The following ZNF665 variants were observed in gnomAD, a reference collection of about 807,000 sequenced individuals.
ZNF665 encodes the protein zinc finger protein 665.
ZNF665 carries 6 observed loss-of-function variants against 7.9 expected under a neutral mutation model. The observed-to-expected ratio is 0.76, with a 90% confidence interval of 0.42 to 1.50. The LOEUF is 1.50. ZNF665 is among the 40% of genes most tolerant of loss of function. The pLI is 0.01. For missense variants in ZNF665, 819 were observed against 806.7 expected (o/e 1.02, Z -0.18); for synonymous variants, 242 against 274.5 (o/e 0.88, Z 1.17).
Position 53,164,859 on chromosome 19 carries a change from C to T in ZNF665, c.1631G>A (p.Cys544Tyr). 6.2e-7 allele frequency: 1 copy of T among 1,614,154 alleles called. No homozygotes were observed. Among genetic ancestry groups the T allele is most frequent in the Non-Finnish European group, 8.5e-7 (1 of 1,180,016 alleles). Residue 544 changes from cysteine (C) to tyrosine (Y), a missense_variant, in exon 4 of 4, where the codon TGT becomes TAT. Cys to Tyr is a radical substitution (Grantham distance 194, BLOSUM62 -2). Transcript: ENST00000396424. ...TIHTGQKPYK[C>Y]NDCGKVFRHN... ...TCTGAAGACCTTGCCGCAATCATTA[C>T]ATTTGTATGGTTTTTGTCCAGTATG...
At chr19:53,180,461 T>C (rs1308993508) in intron 2 of ZNF665, among the ~76,000 whole-genome samples, 2 of 151,812 alleles carry the variant, frequency 1.3e-5, no homozygotes, top group Non-Finnish European at 2.9e-5. Context: ...GGAGAACAAA[T>C]TTAAGGCCAC....
intron 2 of ZNF665, chr19:53,181,423 A>G (rs2090737103): frequency 6.9e-6 from 1 of 144,750 alleles, no homozygotes; most frequent in African/African-American, 2.5e-5. Flanking sequence ...CTTGTATCAG[A>G]AAAAAAAAAA....
rs1281332306 is a variant in ZNF665 at position 53,162,516 on chromosome 19, A to T, written c.*1937T>A. 1 of 152,166 alleles carries T rather than the reference A, an allele frequency of 6.6e-6. No individual in the cohort carries two copies. Among genetic ancestry groups the T allele is most frequent in the African/African-American group, 2.4e-5 (1 of 41,446 alleles). The allele number at this position is 152,166 out of a possible 1,614,324, so 9.4% of individuals were successfully genotyped here. A position where few individuals can be genotyped will look rare whatever the true frequency, so the allele number is the denominator to read the frequency against. ...AATGTGATTCCAGCAGTTAATGTAAATCCTAGTAACAAACATGGGATTCTG... is the reference window on the plus strand; with the variant it reads ...AATGTGATTCCAGCAGTTAATGTAATTCCTAGTAACAAACATGGGATTCTG... On this transcript the variant is annotated 3_prime_UTR_variant, in exon 4 of 4. Coordinates refer to ENST00000396424, the MANE Select transcript of ZNF665 (RefSeq NM_024733.5).
intron 3 of ZNF665, among the ~76,000 whole-genome samples, chr19:53,171,524 ATT>A (rs1215685651): frequency 3.5e-4 from 24 of 69,316 alleles, no homozygotes; most frequent in Admixed American, 8.9e-4. Flanking sequence ...ATATATATAT[ATT>A]TTTTTTTTTT....
In ZNF665 at chr19:53,174,012, G is replaced by A. The variant is rs546771133; in HGVS notation, c.142+1433C>T. Reference sequence around the variant, plus strand: ...GCTGAGACCTCAACAGGCAAGGAAAGCTTAAGACAGTTCCGTGAAGTTTCC... The same window carrying A: ...GCTGAGACCTCAACAGGCAAGGAAAACTTAAGACAGTTCCGTGAAGTTTCC... On this transcript the variant is annotated intron_variant, in intron 3 of 3. Transcript: ENST00000396424. Among the ~76,000 whole-genome samples the A allele has an allele frequency of 5.3e-5, 8 of 152,306 alleles. No homozygotes were observed. The East Asian group carries it at 1.2e-3, about 22-fold the overall frequency.
At position 53,190,025 on chromosome 19, in the gene ZNF665, T is replaced by TA. The variant is rs545015223; in HGVS notation, c.-46+3286dup. Among the ~76,000 whole-genome samples, 1,043 of 152,352 alleles carry TA rather than the reference T, an allele frequency of 6.8e-3. 6 individuals are homozygous for TA. The highest frequency in any genetic ancestry group is 0.014 in the Admixed American group (208 of 15,308). ...GGCCTGGTTTTTCCTAGGCTATGATTATAGAGCGAGGATTATTATAATATT... is the reference window on the plus strand; with the variant it reads ...GGCCTGGTTTTTCCTAGGCTATGATTAATAGAGCGAGGATTATTATAATATT... On this transcript the variant is annotated intron_variant, in intron 1 of 3. Coordinates refer to ENST00000396424, the MANE Select transcript of ZNF665 (RefSeq NM_024733.5).
At chr19:53,179,140 G>C (rs1249086221) in intron 2 of ZNF665, among the ~76,000 whole-genome samples, 1 of 151,988 alleles carries the variant, frequency 6.6e-6, no homozygotes, top group Non-Finnish European at 1.5e-5. Context: ...TTGGGAGGCC[G>C]AGGCGGGTGG....
At chr19:53,193,183 A>G (rs1289484583) in intron 1 of ZNF665, 129 bp downstream of exon 1, 1 of 152,134 alleles carries the variant, frequency 6.6e-6, no homozygotes, top group East Asian at 1.9e-4. Flanking sequence ...CTCGCGGCAA[A>G]GTCTGAATTT....
intron 2 of ZNF665, among the ~76,000 whole-genome samples, chr19:53,176,216 G>T (rs1158155625): frequency 6.6e-6 from 1 of 151,998 alleles, no homozygotes. Context: ...GGGACTTCCA[G>T]GCTCAATCTC....
In ZNF665 at chr19:53,184,660, T is replaced by A. The variant is rs115548459; in HGVS notation, c.-45-1717A>T. 6.6e-3 allele frequency among the ~76,000 whole-genome samples: 998 copies of A among 152,190 alleles called. 10 individuals are homozygous for A. Among genetic ancestry groups the A allele is most frequent in the African/African-American group, 0.023 (951 of 41,518 alleles). ...GGCCCCACAGGATTGGTGGGTTTTC[T>A]CCTCGTGTGTGGAGACGAGAGAGCT... is the stretch of plus-strand genomic sequence containing the variant. On this transcript the variant is annotated intron_variant, in intron 1 of 3. Transcript: ENST00000396424.
chr19:53,171,916 A>G (rs1207969981), intron 3 of ZNF665, among the ~76,000 whole-genome samples: 6 of 151,774 alleles, frequency 4.0e-5, no homozygotes, highest in African/African-American at 1.5e-4. Context: ...CACCACACCC[A>G]GCTACTTTTT....
chr19:53,171,077 C>T (rs549789548), intron 3 of ZNF665, among the ~76,000 whole-genome samples: 2 of 152,176 alleles, frequency 1.3e-5, no homozygotes, highest in African/African-American at 2.4e-5. Context: ...CTCCACCTCC[C>T]GGGTTGAAGC....
intron 1 of ZNF665, among the ~76,000 whole-genome samples, chr19:53,184,876 C>T (rs1339667666): frequency 2.6e-5 from 4 of 151,606 alleles, no homozygotes; most frequent in African/African-American, 7.2e-5. Context: ...ACGTGGGTCA[C>T]GTGTCCACTG....
chr19:53,182,772 C>T (rs975942771), intron 2 of ZNF665, 112 bp downstream of exon 2: 85 of 1,545,614 alleles, frequency 5.5e-5, no homozygotes, highest in Non-Finnish European at 7.0e-5. Flanking sequence ...CGAGTGAGTG[C>T]GAGCAAACCT....
At position 53,164,935 on chromosome 19, in the gene ZNF665, A is replaced by T; in HGVS notation, c.1555T>A (p.Cys519Ser). 1 of 1,614,176 alleles carries T rather than the reference A, an allele frequency of 6.2e-7. No homozygotes were observed. The highest frequency in any genetic ancestry group is 1.1e-5 in the South Asian group (1 of 91,080). Reference protein sequence around the residue: ...TGEKPYKCNECGKAFSVHSSL... With the variant: ...TGEKPYKCNESGKAFSVHSSL... The stretch of plus-strand genomic sequence containing the variant: ...GAATGAACACTAAAGGCTTTGCCAC[A>T]CTCATTACACTTGTAAGGTTTTTCT... Residue 519 changes from cysteine to serine, a missense_variant, in exon 4 of 4, where the codon TGT becomes AGT. Coordinates refer to ENST00000396424, the MANE Select transcript of ZNF665 (RefSeq NM_024733.5).
At chr19:53,171,504 G>GTGTGTATATA (rs140482885) in intron 3 of ZNF665, among the ~76,000 whole-genome samples, 78 of 57,754 alleles carry the variant, frequency 1.4e-3, no homozygotes, top group African/African-American at 3.4e-3. Flanking sequence ...GTGTGTGTGT[G>GTGTGTATATA]TATATATATA....
chr19:53,174,945 C>CAAAA (rs1168901820), intron 3 of ZNF665, among the ~76,000 whole-genome samples: 2 of 44,244 alleles, frequency 4.5e-5, no homozygotes, highest in African/African-American at 7.9e-5. Context: ...AACTCCGTCT[C>CAAAA]AAAAAAAAAA....
intron 1 of ZNF665, among the ~76,000 whole-genome samples, chr19:53,184,237 G>A (rs28528893): frequency 0.013 from 1,961 of 152,086 alleles, 16 homozygotes; most frequent in African/African-American, 0.027. Context: ...GCGACAGAGC[G>A]AGACCCTGTC....
chr19:53,189,173 C>T (rs572194181), intron 1 of ZNF665, among the ~76,000 whole-genome samples: 97 of 151,776 alleles, frequency 6.4e-4, no homozygotes, highest in African/African-American at 2.2e-3. Context: ...GGAGCCACAC[C>T]GTCCTGAGAC....
Sources: allele counts gnomAD v4.1 joint callset (sites outside exome capture counted in the v4.1 genomes callset), GRCh38; gene constraint gnomAD v4.1.1; transcripts MANE v1.5; gene names NCBI Gene and HGNC (gene_info 2026-07-23, HGNC 2026-07-21).